Variants in MARCHF1 observed in about 807,000 individuals in gnomAD.
MARCHF1 encodes membrane associated ring-CH-type finger 1.
MARCHF1 carries 40 observed loss-of-function variants against 54.2 expected under a neutral mutation model. The ratio of observed to expected loss-of-function variants is 0.74; its 90% CI spans 0.57 to 0.96. The LOEUF is 0.96. Among genes scored for constraint, MARCHF1 ranks in the 40% least tolerant of loss-of-function variants. The pLI is 0.00. For synonymous variants in MARCHF1, 236 were observed against 236.3 expected, an observed-to-expected ratio of 1.00 and a Z score of 0.01; for missense variants, 586 against 656.5, an observed-to-expected ratio of 0.89 and a Z score of 1.17.
intron 3 of MARCHF1, among the ~76,000 whole-genome samples, chr4:163,866,405 T>A (rs946950552): frequency 6.9e-6 from 1 of 144,338 alleles, no homozygotes; most frequent in Non-Finnish European, 1.5e-5. Context: ...AGAGAAAAAA[T>A]AGCATACAAG....
intron 1 of MARCHF1, among the ~76,000 whole-genome samples, chr4:164,184,702 T>C (rs907673361): frequency 1.3e-5 from 2 of 152,130 alleles, no homozygotes; most frequent in Admixed American, 6.5e-5. Flanking sequence ...AATGATCAAC[T>C]CCCAATGTTG....
At chr4:163,954,793 T>C (rs1335412591) in intron 3 of MARCHF1, among the ~76,000 whole-genome samples, 2 of 152,176 alleles carry the variant, frequency 1.3e-5, no homozygotes, top group African/African-American at 4.8e-5. Flanking sequence ...AAAACTGGCT[T>C]CTCACACTCA....
chr4:163,723,481 T>C (rs1745547024), intron 4 of MARCHF1, among the ~76,000 whole-genome samples: 1 of 152,210 alleles, frequency 6.6e-6, no homozygotes, highest in African/African-American at 2.4e-5. Flanking sequence ...TCAACTTTGG[T>C]GAATCTGACA....
At chr4:163,935,702 C>CTTT (rs34331599) in intron 3 of MARCHF1, among the ~76,000 whole-genome samples, 144 of 125,418 alleles carry the variant, frequency 1.1e-3, no homozygotes, top group East Asian at 2.5e-3. Flanking sequence ...TGCTTGCTTT[C>CTTT]TTTTTTTTTT....
intron 1 of MARCHF1, among the ~76,000 whole-genome samples, chr4:164,273,669 T>C (rs1292898533): frequency 6.6e-6 from 1 of 152,212 alleles, no homozygotes; most frequent in African/African-American, 2.4e-5. Flanking sequence ...AAGATTCAAG[T>C]GACTGACGGA....
Position 164,096,993 on chromosome 4 carries a change from T to C in MARCHF1, c.-248+14595A>G, listed in dbSNP as rs192136079. Among the ~76,000 whole-genome samples, 560 of 152,270 alleles carry C rather than the reference T, an allele frequency of 3.7e-3. 3 individuals carry two copies. Among genetic ancestry groups the C allele is most frequent in the Non-Finnish European group, 5.9e-3 (402 of 68,014 alleles). On this transcript the variant is annotated intron_variant, in intron 2 of 9. Coordinates refer to ENST00000514618, the MANE Select transcript of MARCHF1 (RefSeq NM_001394959.1). ...TCTACTAACAATTTAGCACTGCCAATTCTTTTGTTAATGTTCATTTTACTC... is the reference window on the plus strand; with the variant it reads ...TCTACTAACAATTTAGCACTGCCAACTCTTTTGTTAATGTTCATTTTACTC...
At chr4:164,315,637 C>A (rs1560999601) in intron 1 of MARCHF1, among the ~76,000 whole-genome samples, 1 of 152,134 alleles carries the variant, frequency 6.6e-6, no homozygotes, top group Non-Finnish European at 1.5e-5. Context: ...CTGCCCCAGG[C>A]CAGCTGATGA....
At chr4:163,861,366 A>G (rs1366967235) in intron 3 of MARCHF1, among the ~76,000 whole-genome samples, 1 of 152,190 alleles carries the variant, frequency 6.6e-6, no homozygotes, top group East Asian at 1.9e-4. Context: ...AGAAGAACAA[A>G]GAGATAATAG....
chr4:163,921,693 A>G (rs1751434083), intron 3 of MARCHF1, among the ~76,000 whole-genome samples: 1 of 152,184 alleles, frequency 6.6e-6, no homozygotes, highest in African/African-American at 2.4e-5. Context: ...AAAGAAATCA[A>G]TTTATGATTA....
intron 1 of MARCHF1, among the ~76,000 whole-genome samples, chr4:164,257,459 T>C (rs1733322527): frequency 6.7e-6 from 1 of 149,106 alleles, no homozygotes; most frequent in Non-Finnish European, 1.5e-5. Context: ...AAATCGTCAG[T>C]TTTGTTTCAT....
intron 4 of MARCHF1, among the ~76,000 whole-genome samples, chr4:163,824,359 T>C (rs550808998): frequency 6.6e-6 from 1 of 151,334 alleles, no homozygotes; most frequent in Admixed American, 6.6e-5. Context: ...ATCTGATCTT[T>C]GACAAACCTG....
chr4:164,304,050 T>C (rs1734634551), intron 1 of MARCHF1, among the ~76,000 whole-genome samples: 1 of 152,166 alleles, frequency 6.6e-6, no homozygotes, highest in Non-Finnish European at 1.5e-5. Flanking sequence ...CTAAAACACA[T>C]TCTTGAAAAC....
intron 7 of MARCHF1, among the ~76,000 whole-genome samples, chr4:163,588,247 A>G (rs1235801550): frequency 6.6e-6 from 1 of 152,142 alleles, no homozygotes; most frequent in East Asian, 1.9e-4. Flanking sequence ...CCAATATGTT[A>G]AGGGAAAATT....
intron 5 of MARCHF1, among the ~76,000 whole-genome samples, chr4:163,615,736 C>G (rs142633137): frequency 1.6e-3 from 236 of 152,232 alleles, no homozygotes; most frequent in African/African-American, 5.3e-3. Context: ...TCCCAAAATT[C>G]ACATAGAACC....
intron 1 of MARCHF1, among the ~76,000 whole-genome samples, chr4:164,112,073 A>G (rs1425060985): frequency 6.6e-6 from 1 of 151,806 alleles, no homozygotes; most frequent in Non-Finnish European, 1.5e-5. Context: ...TTTCAATTTG[A>G]TCTAGTTGTT....
chr4:163,792,197 T>A (rs1038201123), intron 4 of MARCHF1, among the ~76,000 whole-genome samples: 6 of 152,204 alleles, frequency 3.9e-5, no homozygotes, highest in Non-Finnish European at 8.8e-5. Flanking sequence ...TCTCATAAAG[T>A]CTATCACAAA....
At chr4:164,378,301 G>A (rs1205397722) in intron 1 of MARCHF1, among the ~76,000 whole-genome samples, 1 of 152,218 alleles carries the variant, frequency 6.6e-6, no homozygotes, top group Non-Finnish European at 1.5e-5. Flanking sequence ...GGACTGGAGA[G>A]ACAAAATTAG....
At chr4:164,289,301 G>C (rs1220169180) in intron 1 of MARCHF1, among the ~76,000 whole-genome samples, 1 of 152,026 alleles carries the variant, frequency 6.6e-6, no homozygotes, top group East Asian at 1.9e-4. Flanking sequence ...GTGTGGCTTT[G>C]ATCACTGACA....
At chr4:164,285,384 C>T (rs1290219549) in intron 1 of MARCHF1, among the ~76,000 whole-genome samples, 1 of 151,818 alleles carries the variant, frequency 6.6e-6, no homozygotes, top group African/African-American at 2.4e-5. Context: ...CCAGCCTGGG[C>T]AACATAGGAA....
Sources: allele counts gnomAD v4.1 joint callset (sites outside exome capture counted in the v4.1 genomes callset), GRCh38; gene constraint gnomAD v4.1.1; transcripts MANE v1.5; gene names NCBI Gene and HGNC (gene_info 2026-07-23, HGNC 2026-07-21).